Variants in REDIC1 observed in about 807,000 individuals in gnomAD.
REDIC1 encodes regulator of DNA class I crossover intermediates 1.
At chr12:39,658,305 G>A in the REDIC1 span, among the ~76,000 whole-genome samples, 1 of 151,968 alleles carries the variant, frequency 6.6e-6, no homozygotes, top group Admixed American at 6.6e-5. Flanking sequence ...GACTGGTCTC[G>A]AACTCCTGAC....
chr12:39,650,129 A>G, the REDIC1 span: 4 of 1,165,516 alleles, frequency 3.4e-6, no homozygotes, highest in East Asian at 3.1e-5. This position sits in a 1 kb window ranked among gnomAD's most constrained non-coding sequence, Gnocchi z 4.3. Context: ...TATTTTTACA[A>G]TTTTAAAATA....
At chr12:39,713,818 C>A in the REDIC1 span, among the ~76,000 whole-genome samples, 1 of 146,078 alleles carries the variant, frequency 6.8e-6, no homozygotes, top group Non-Finnish European at 1.5e-5. Context: ...TGTATATATA[C>A]GTGTATACAT....
At chr12:39,638,243 G>A in the REDIC1 span, among the ~76,000 whole-genome samples, 1 of 151,994 alleles carries the variant, frequency 6.6e-6, no homozygotes, top group Non-Finnish European at 1.5e-5. Context: ...CAAGAAAACA[G>A]GGACTGCAGT....
At chr12:39,739,694 T>G in the REDIC1 span, among the ~76,000 whole-genome samples, 1 of 152,158 alleles carries the variant, frequency 6.6e-6, no homozygotes, top group East Asian at 1.9e-4. Context: ...AAAAACCAAA[T>G]GCAGTACTGT....
chr12:39,891,759 C>A, the REDIC1 span, among the ~76,000 whole-genome samples: 1 of 152,134 alleles, frequency 6.6e-6, no homozygotes, highest in Non-Finnish European at 1.5e-5. Flanking sequence ...AGGGCTCAGT[C>A]CCCTAAATCA....
chr12:39,699,645 G>C, the REDIC1 span, among the ~76,000 whole-genome samples: 1 of 151,418 alleles, frequency 6.6e-6, no homozygotes, highest in Non-Finnish European at 1.5e-5. Context: ...ACCTCTGGGG[G>C]CAGGGCACAA....
chr12:39,896,138 G>A, the REDIC1 span, among the ~76,000 whole-genome samples: 1 of 144,232 alleles, frequency 6.9e-6, no homozygotes. Flanking sequence ...GTATACACGT[G>A]TACCTATATA....
chr12:39,660,455 C>T, the REDIC1 span, among the ~76,000 whole-genome samples: 1 of 152,112 alleles, frequency 6.6e-6, no homozygotes, highest in African/African-American at 2.4e-5. Flanking sequence ...TTATCTTGCT[C>T]ACCTGGTCTC....
the REDIC1 span, among the ~76,000 whole-genome samples, chr12:39,708,596 T>G: frequency 6.6e-6 from 1 of 151,832 alleles, no homozygotes; most frequent in Middle Eastern, 3.2e-3. Context: ...TAAGTTGACT[T>G]AAGGCATGAG....
chr12:39,759,379 T>C, the REDIC1 span: 1 of 152,422 alleles, frequency 6.6e-6, no homozygotes, highest in South Asian at 2.1e-4. Context: ...ATTTTCATAA[T>C]GTTCAAAAGA....
the REDIC1 span, among the ~76,000 whole-genome samples, chr12:39,860,187 T>A: frequency 5.3e-5 from 8 of 152,108 alleles, no homozygotes; most frequent in Non-Finnish European, 1.0e-4. Context: ...AGGAGAGGAG[T>A]GTGACTTATT....
the REDIC1 span, among the ~76,000 whole-genome samples, chr12:39,822,572 G>A: frequency 1.3e-5 from 2 of 151,978 alleles, no homozygotes; most frequent in East Asian, 3.9e-4. Flanking sequence ...ACCTTCTGAT[G>A]CTTACTTGCC....
the REDIC1 span, among the ~76,000 whole-genome samples, chr12:39,905,822 G>GAAAAA: frequency 8.3e-3 from 1,211 of 145,376 alleles, 22 homozygotes; most frequent in African/African-American, 0.018. Context: ...AAAATGCCCA[G>GAAAAA]AAAAAAAAAA....
chr12:39,647,015 G>T, the REDIC1 span: 3 of 573,394 alleles, frequency 5.2e-6, no homozygotes, highest in East Asian at 3.1e-5. Context: ...TCTTTTAAAA[G>T]CTTTCCAGGT....
At chr12:39,875,962 G>A in the REDIC1 span, among the ~76,000 whole-genome samples, 2 of 152,166 alleles carry the variant, frequency 1.3e-5, no homozygotes, top group Non-Finnish European at 2.9e-5. Flanking sequence ...ACCCTCTTAT[G>A]CATAAAAGAA....
chr12:39,659,946 T>G, the REDIC1 span, among the ~76,000 whole-genome samples: 1 of 152,128 alleles, frequency 6.6e-6, no homozygotes, highest in Non-Finnish European at 1.5e-5. Flanking sequence ...GGCTTGCTTT[T>G]AAATTTTGTC....
the REDIC1 span, among the ~76,000 whole-genome samples, chr12:39,766,041 A>G: frequency 3.3e-5 from 5 of 152,178 alleles, no homozygotes; most frequent in East Asian, 9.7e-4. Flanking sequence ...CTCCAACACT[A>G]CAGAGACAGC....
chr12:39,893,770 A>G, the REDIC1 span, among the ~76,000 whole-genome samples: 1 of 152,234 alleles, frequency 6.6e-6, no homozygotes, highest in Admixed American at 6.5e-5. Flanking sequence ...CATTAACTAA[A>G]TTGAAAAGAA....
chr12:39,821,670 G>A, the REDIC1 span, among the ~76,000 whole-genome samples: 1 of 152,156 alleles, frequency 6.6e-6, no homozygotes, highest in Non-Finnish European at 1.5e-5. Flanking sequence ...ATACCGAAGA[G>A]GGAAAAGAGG....
Sources: allele counts gnomAD v4.1 joint callset (sites outside exome capture counted in the v4.1 genomes callset), GRCh38; gene constraint gnomAD v4.1.1; non-coding constraint Gnocchi (gnomAD v3.1); transcripts MANE v1.5; gene names NCBI Gene and HGNC (gene_info 2026-07-23, HGNC 2026-07-21).